ANKRD18A: variants seen among roughly 807,000 people sequenced by gnomAD.
ANKRD18A encodes ankyrin repeat domain-containing protein 18A.
In ANKRD18A, 72 loss-of-function variants were observed where a neutral mutation model predicts 110.6. The ratio of observed to expected loss-of-function variants is 0.65; its 90% CI spans 0.54 to 0.79. ANKRD18A has a LOEUF of 0.79. ANKRD18A is among the 30% of genes least tolerant of loss of function. ANKRD18A has a pLI of 0.00. For synonymous variants in ANKRD18A, 305 were observed against 410.3 expected (o/e 0.74, Z 3.10); for missense variants, 934 against 1,163.3 (o/e 0.80, Z 2.87).
intron 6 of ANKRD18A, among the ~76,000 whole-genome samples, chr9:38,604,513 T>C (rs1241039669): frequency 2.7e-5 from 4 of 146,400 alleles, no homozygotes; most frequent in Non-Finnish European, 3.0e-5. Flanking sequence ...TGGAATCCAA[T>C]AATATCACTG....
At chr9:38,581,509 A>C (rs1022591253) in intron 12 of ANKRD18A, among the ~76,000 whole-genome samples, 13 of 152,194 alleles carry the variant, frequency 8.5e-5, no homozygotes, top group Non-Finnish European at 1.8e-4. Flanking sequence ...CTAAAAGAAG[A>C]AGCTCTAAGT....
chr9:38,618,543 T>G (rs1159468504), intron 1 of ANKRD18A, among the ~76,000 whole-genome samples: 1 of 152,188 alleles, frequency 6.6e-6, no homozygotes, highest in Non-Finnish European at 1.5e-5. Flanking sequence ...ACAATGGAAT[T>G]GATGGGTAAA....
rs1197021995 is a variant in ANKRD18A, at chr9:38,571,557, C to A, written c.*488G>T. 4 of 987,024 alleles carry A rather than the reference C, an allele frequency of 4.1e-6. No homozygotes were observed. The African/African-American group carries it at 7.0e-5, about 17-fold the overall frequency. The allele number at this position is 987,024 out of a possible 1,614,324, so 61.1% of individuals were successfully genotyped here. On this transcript the variant is annotated 3_prime_UTR_variant, in exon 16 of 16. Transcript: ENST00000399703. Reference sequence around the variant, plus strand: ...TATCTCCACACAAAATACTATTGAGCTACAAGAAGAAAACCGTAACACTAG... The same window carrying A: ...TATCTCCACACAAAATACTATTGAGATACAAGAAGAAAACCGTAACACTAG...
At chr9:38,592,679 TA>T (rs1749058310) in intron 10 of ANKRD18A, among the ~76,000 whole-genome samples, 1 of 151,984 alleles carries the variant, frequency 6.6e-6, no homozygotes, top group Non-Finnish European at 1.5e-5. Flanking sequence ...GGAAACAACC[TA>T]AAGGTCCATC....
intron 1 of ANKRD18A, among the ~76,000 whole-genome samples, chr9:38,616,642 G>A (rs1825865108): frequency 6.6e-6 from 1 of 152,118 alleles, no homozygotes; most frequent in East Asian, 1.9e-4. Context: ...TTTTTGTAGA[G>A]TAGGAATGTC....
chr9:38,587,647 T>C (rs1305000364), intron 11 of ANKRD18A, among the ~76,000 whole-genome samples: 1 of 152,086 alleles, frequency 6.6e-6, no homozygotes, highest in African/African-American at 2.4e-5. Flanking sequence ...AAATAGGTCT[T>C]TAAAAAATTT....
chr9:38,615,442 T>C (rs1825808819), intron 3 of ANKRD18A, among the ~76,000 whole-genome samples, 152 bp downstream of exon 3: 1 of 152,258 alleles, frequency 6.6e-6, no homozygotes, highest in Admixed American at 6.5e-5. Flanking sequence ...CTAATGCTTC[T>C]TTAAAAGTAT....
chr9:38,603,080 T>C (rs1481502710), intron 7 of ANKRD18A, 79 bp downstream of exon 7: 1 of 1,518,692 alleles, frequency 6.6e-7, no homozygotes, highest in Non-Finnish European at 8.9e-7. Context: ...AAGGAAACTA[T>C]ACCATTAACT....
rs1200002843 is a variant in ANKRD18A, at chr9:38,601,193, G to A, written c.874C>T (p.Leu292=). 1.3e-5 allele frequency: 21 copies of A among 1,557,496 alleles called. No homozygotes were observed. Among genetic ancestry groups the A allele is most frequent in the Non-Finnish European group, 1.8e-5 (21 of 1,149,800 alleles). Residue 292 remains leucine, a synonymous_variant, in exon 8 of 16, where the codon CTA becomes TTA. Coordinates refer to ENST00000399703, the MANE Select transcript of ANKRD18A (RefSeq NM_147195.4). ...RKERAKAEHN[L]KVASEEKQER... ...TGCTTTTCCTCTGAAGCCACTTTTA[G>A]GTTGTGTTCTGCTGACAAATCCATA...
At chr9:38,591,936 G>A (rs549640708) in intron 10 of ANKRD18A, among the ~76,000 whole-genome samples, 16 of 152,318 alleles carry the variant, frequency 1.1e-4, no homozygotes, top group African/African-American at 2.9e-4. Flanking sequence ...GCCTTCACGA[G>A]TACTCTGCTG....
chr9:38,569,127 G>T (rs1363880877), downstream of ANKRD18A: 1 of 985,284 alleles, frequency 1.0e-6, no homozygotes, highest in African/African-American at 1.7e-5. Context: ...ACCAAGTAGG[G>T]CGGTTGTCTC....
At chr9:38,609,101 T>C (rs1825484758) in intron 5 of ANKRD18A, among the ~76,000 whole-genome samples, 1 of 152,326 alleles carries the variant, frequency 6.6e-6, no homozygotes, top group Non-Finnish European at 1.5e-5. Context: ...TTACTCACTA[T>C]GTGTGTGGGT....
At chr9:38,597,693 G>A (rs947309133) in intron 8 of ANKRD18A, among the ~76,000 whole-genome samples, 109 of 152,268 alleles carry the variant, frequency 7.2e-4, no homozygotes, top group African/African-American at 2.5e-3. Context: ...ACAATTTAAT[G>A]GCTCAGAGGG....
At chr9:38,583,152 TA>T (rs1241163395) in intron 12 of ANKRD18A, among the ~76,000 whole-genome samples, 2 of 152,064 alleles carry the variant, frequency 1.3e-5, no homozygotes, top group Non-Finnish European at 2.9e-5. Context: ...CTTTGTTCAA[TA>T]AAAAAGAGAA....
chr9:38,612,648 G>C (rs1250790895), intron 3 of ANKRD18A, among the ~76,000 whole-genome samples: 1 of 151,326 alleles, frequency 6.6e-6, no homozygotes, highest in Non-Finnish European at 1.5e-5. Context: ...CTCCCAAGTA[G>C]CTGGAACTAC....
chr9:38,587,864 TG>T (rs1398152825), intron 11 of ANKRD18A, among the ~76,000 whole-genome samples: 3 of 152,132 alleles, frequency 2.0e-5, no homozygotes, highest in Non-Finnish European at 4.4e-5. Flanking sequence ...CTGAGGCAGG[TG>T]GATCATGAGG....
At chr9:38,614,213 A>ACTC (rs1825758030) in intron 3 of ANKRD18A, among the ~76,000 whole-genome samples, 2 of 137,228 alleles carry the variant, frequency 1.5e-5, no homozygotes, top group Non-Finnish European at 3.1e-5. Flanking sequence ...GTATTCGAAC[A>ACTC]CTGAGGTTTT....
At chr9:38,616,710 C>G (rs1372684070) in intron 1 of ANKRD18A, among the ~76,000 whole-genome samples, 2 of 152,172 alleles carry the variant, frequency 1.3e-5, no homozygotes, top group Non-Finnish European at 2.9e-5. Context: ...CCCACCTCAG[C>G]CTTCCAAAGT....
At chr9:38,584,614 A>G (rs1824296337) in intron 12 of ANKRD18A, among the ~76,000 whole-genome samples, 1 of 152,204 alleles carries the variant, frequency 6.6e-6, no homozygotes, top group African/African-American at 2.4e-5. Context: ...ATCTGGAGAC[A>G]TGGGCTGCTT....
Sources: allele counts gnomAD v4.1 joint callset (sites outside exome capture counted in the v4.1 genomes callset), GRCh38; gene constraint gnomAD v4.1.1; transcripts MANE v1.5; gene names NCBI Gene and HGNC (gene_info 2026-07-23, HGNC 2026-07-21).